Variants in MYO1F observed in about 807,000 individuals in gnomAD.
MYO1F encodes myosin IF.
MYO1F carries 60 observed loss-of-function variants against 146.6 expected under a neutral mutation model. The ratio of observed to expected loss-of-function variants is 0.41; its 90% confidence interval spans 0.33 to 0.51. The LOEUF (loss-of-function observed/expected upper bound fraction) is 0.51. Ranked by LOEUF, MYO1F falls within the 20% of genes least tolerant of loss-of-function variation. The pLI is 0.25. For synonymous variants in MYO1F, 602 were observed against 602.1 expected (o/e 1.00, Z 0.00); for missense variants, 1,274 against 1,534.3 (o/e 0.83, Z 2.83).
At chr19:8,572,459 G>A (rs1555732193) in intron 1 of MYO1F, among the ~76,000 whole-genome samples, 1 of 151,990 alleles carries the variant, frequency 6.6e-6, no homozygotes, top group African/African-American at 2.4e-5. Flanking sequence ...GTAGAGATGG[G>A]GTTTCACCAT....
chr19:8,553,894 A>ACTCTCTCTCTCTCTCTCTCTCT (rs530875155), intron 4 of MYO1F, among the ~76,000 whole-genome samples: 4 of 102,602 alleles, frequency 3.9e-5, no homozygotes, highest in Admixed American at 2.1e-4. Flanking sequence ...ACACACACAC[A>ACTCTCTCTCTCTCTCTCTCTCT]CTCTCTCTCT....
chr19:8,524,416 CAAA>C (rs777339567), intron 25 of MYO1F, among the ~76,000 whole-genome samples: 45 of 83,484 alleles, frequency 5.4e-4, no homozygotes, highest in African/African-American at 9.7e-4. Flanking sequence ...GACTCTGTCT[CAAA>C]AAAAAAAAAA....
At chr19:8,554,167 G>A (rs918138138) in intron 4 of MYO1F, among the ~76,000 whole-genome samples, 6 of 152,008 alleles carry the variant, frequency 3.9e-5, no homozygotes, top group Non-Finnish European at 5.9e-5. Flanking sequence ...ATATTGCCCA[G>A]GCTGGTCTTG....
chr19:8,547,844 A>G, intron 12 of MYO1F, 192 bp downstream of exon 12: 1 of 606,110 alleles, frequency 1.6e-6, no homozygotes, highest in Non-Finnish European at 2.9e-6. Flanking sequence ...TGAATGAACT[A>G]AGAGGCACGG....
Position 8,540,013 on chromosome 19 carries a change from C to A in MYO1F, c.1626G>T (p.Met542Ile). 1 of 1,611,928 alleles carries A rather than the reference C, an allele frequency of 6.2e-7. No homozygotes were observed. The highest frequency in any genetic ancestry group is 8.5e-7 in the Non-Finnish European group (1 of 1,178,744). Residue 542 changes from methionine (M) to isoleucine (I), a missense_variant, in exon 16 of 28, where the codon ATG (methionine) becomes ATT (isoleucine). By Grantham distance (10) the Met-to-Ile change is conservative. Transcript: ENST00000644032. ...MQTSEQAFLRMLFPEKLDGDK... is the reference protein window; with the variant it reads ...MQTSEQAFLRILFPEKLDGDK... ...CTCCATCCAGCTTCTCGGGGAAGAGCATCCGGAGGAAGGCCCTGGGTAGGA... is the reference window on the plus strand; with the variant it reads ...CTCCATCCAGCTTCTCGGGGAAGAGAATCCGGAGGAAGGCCCTGGGTAGGA...
intron 1 of MYO1F, among the ~76,000 whole-genome samples, chr19:8,571,421 C>CTT (rs1293646512): frequency 2.1e-5 from 3 of 144,772 alleles, no homozygotes; most frequent in African/African-American, 7.5e-5. Flanking sequence ...CTCTCTCTCT[C>CTT]TTTTTTTTTT....
At chr19:8,532,760 C>A (rs1972533248) in intron 19 of MYO1F, among the ~76,000 whole-genome samples, 1 of 151,798 alleles carries the variant, frequency 6.6e-6, no homozygotes, top group African/African-American at 2.4e-5. Context: ...TGATGGCACG[C>A]ATGTGTAGTC....
At chr19:8,555,923 TC>T in intron 1 of MYO1F, 127 bp from the exon 2 acceptor site, 1 of 1,021,676 alleles carries the variant, frequency 9.8e-7, no homozygotes, top group Non-Finnish European at 1.4e-6. Flanking sequence ...CTTCCCCATC[TC>T]CAGGAGAGGC....
intron 1 of MYO1F, among the ~76,000 whole-genome samples, chr19:8,565,105 G>A (rs1297501303): frequency 6.6e-6 from 1 of 151,712 alleles, no homozygotes; most frequent in African/African-American, 2.4e-5. Context: ...TGGCCAGGCT[G>A]GTCTGTAACT....
At chr19:8,552,255 T>G in intron 6 of MYO1F, 91 bp from the exon 7 acceptor site, 5 of 1,335,894 alleles carry the variant, frequency 3.7e-6, no homozygotes, top group Non-Finnish European at 4.2e-6. Flanking sequence ...CTTGCCTCTC[T>G]TCCCTTCTTC....
At chr19:8,566,101 A>G (rs1169994737) in intron 1 of MYO1F, among the ~76,000 whole-genome samples, 2 of 149,038 alleles carry the variant, frequency 1.3e-5, no homozygotes, top group Non-Finnish European at 3.0e-5. Context: ...ACGAAGACCC[A>G]GAAAAAAAAC....
intron 16 of MYO1F, among the ~76,000 whole-genome samples, chr19:8,537,900 T>C (rs79646756): frequency 0.025 from 3,753 of 152,082 alleles, 86 homozygotes; most frequent in African/African-American, 0.062. Context: ...GGCTAAGACA[T>C]GTACTTTGGA....
intron 1 of MYO1F, among the ~76,000 whole-genome samples, chr19:8,556,112 T>G (rs1317626799): frequency 6.6e-6 from 1 of 151,616 alleles, no homozygotes; most frequent in Non-Finnish European, 1.5e-5. Context: ...CACTGCAACA[T>G]CCACCTCCCG....
At position 8,553,226 on chromosome 19, in the gene MYO1F, G is replaced by C; in HGVS notation, c.417C>G (p.His139Gln). The stretch of plus-strand genomic sequence containing the variant: ...TGGACTGCAGGATGATATCTTTGAC[G>C]TGCTGGGGCAGAGGCAGGTGGAGTG... Reference protein sequence around the residue: ...KVSGGGEKVQHVKDIILQSNP... With the variant: ...KVSGGGEKVQQVKDIILQSNP... The change falls in exon 6 of 28, where the codon CAC becomes CAG. Residue 139 changes from histidine (H) to glutamine (Q), a missense_variant and splice_region_variant. By Grantham distance (24) the His-to-Gln change is conservative. Coordinates refer to ENST00000644032, the MANE Select transcript of MYO1F (RefSeq NM_012335.4). The C allele has an allele frequency of 6.2e-7, 1 of 1,614,130 alleles. No individual in the cohort carries two copies. Among genetic ancestry groups the C allele is most frequent in the Non-Finnish European group, 8.5e-7 (1 of 1,179,990 alleles).
rs1257754804 is a variant in MYO1F, at chr19:8,540,030, TG to T, written c.1611-3del. ...GGGAAGAGCATCCGGAGGAAGGCCC[TG>T]GGTAGGAAAGGGGAGAGGAGGAGTT... On this transcript the variant is annotated splice_region_variant and splice_polypyrimidine_tract_variant and intron_variant, in intron 15 of 27. Coordinates refer to ENST00000644032, the MANE Select transcript of MYO1F (RefSeq NM_012335.4). 1 of 1,608,922 alleles carries T rather than the reference TG, an allele frequency of 6.2e-7. No individual in the cohort carries two copies. The highest frequency in any genetic ancestry group is 1.3e-5 in the African/African-American group (1 of 74,776).
At position 8,565,398 on chromosome 19, in the gene MYO1F, C is replaced by T. The variant is rs186589960; in HGVS notation, c.4-9602G>A. 7.3e-3 allele frequency among the ~76,000 whole-genome samples: 1,104 copies of T among 151,680 alleles called. 16 individuals carry two copies. Among genetic ancestry groups the T allele is most frequent in the Middle Eastern group, 0.044 (13 of 294 alleles). On this transcript the variant is annotated intron_variant, in intron 1 of 27. Coordinates refer to ENST00000644032, the MANE Select transcript of MYO1F (RefSeq NM_012335.4). ...TCTCCACTAAAAGTACAACATTAGC[C>T]AGGTGTGGTGGCGAGCGCCTGTAAT...
At chr19:8,554,877 C>G in intron 2 of MYO1F, 134 bp from the exon 3 acceptor site, 1 of 870,472 alleles carries the variant, frequency 1.1e-6, no homozygotes, top group South Asian at 1.4e-5. Context: ...GGATGCACCT[C>G]GAGTCTCTTG....
At position 8,526,487 on chromosome 19, in the gene MYO1F, C is replaced by T. The variant is rs1024877291; in HGVS notation, c.2736G>A (p.Thr912=). Residue 912 remains threonine, a synonymous_variant, in exon 24 of 28, where the codon ACG becomes ACA. Transcript: ENST00000644032. The part of the protein sequence containing the change: ...AVLKVGGRTL[T]VSVGDGLPKS... ...TGGGCAGCCCATCGCCCACGCTGAC[C>T]GTGAGGGTCCGACCGCCAACCTTGA... 12 of 1,568,130 alleles carry T rather than the reference C, an allele frequency of 7.7e-6. No homozygotes were observed. Among genetic ancestry groups the T allele is most frequent in the African/African-American group, 5.4e-5 (4 of 74,412 alleles).
intron 2 of MYO1F, chr19:8,555,413 A>G (rs1382641601): frequency 2.1e-6 from 1 of 467,644 alleles, no homozygotes; most frequent in Non-Finnish European, 3.8e-6. Flanking sequence ...AAAAGAACAA[A>G]CAGGGTTGGA....
Sources: gnomAD v4.1 joint callset for allele counts (sites outside exome capture counted in the v4.1 genomes callset) on GRCh38, gnomAD v4.1.1 for gene constraint, MANE v1.5 for transcripts, NCBI Gene and HGNC (gene_info 2026-07-23, HGNC 2026-07-21) for gene names.